CARM1: variants seen among roughly 807,000 people sequenced by gnomAD.
CARM1 encodes coactivator associated arginine methyltransferase 1, also known as histone-arginine methyltransferase CARM1.
A neutral mutation model predicts 72.7 loss-of-function variants in CARM1; 14 were observed. That is an observed-to-expected ratio of 0.19 (90% CI 0.13 to 0.30). The LOEUF (loss-of-function observed/expected upper bound fraction) is 0.30, where lower values mean the gene tolerates loss of function less well. CARM1 is among the 10% of genes least tolerant of loss of function. The probability of loss-of-function intolerance (pLI) is 1.00; values close to 1 mark genes in which losing one functional copy is unlikely to be tolerated. For synonymous variants in CARM1, 333 were observed against 345.5 expected, an observed-to-expected ratio of 0.96 and a Z score of 0.40; for missense variants, 432 against 833.7, an observed-to-expected ratio of 0.52 and a Z score of 5.93.
In CARM1 at chr19:10,894,729, TTC is replaced by T. The variant is rs1226313626; in HGVS notation, c.221-10210_221-10209del. Among the ~76,000 whole-genome samples, 568 of 150,664 alleles carry T rather than the reference TTC, an allele frequency of 3.8e-3. 4 individuals carry two copies. The highest frequency in any genetic ancestry group is 0.013 in the African/African-American group (545 of 41,144). On this transcript the variant is annotated intron_variant, in intron 1 of 15. Transcript: ENST00000327064. ...CCACCTCCTTGTGTTTTTTTTTTTT[TTC>T]TCTCTCTCTCTTTTTTTTTTTCTTC...
At chr19:10,892,795 C>T (rs1291874067) in intron 1 of CARM1, among the ~76,000 whole-genome samples, 5 of 152,172 alleles carry the variant, frequency 3.3e-5, no homozygotes, top group African/African-American at 7.2e-5. Flanking sequence ...TGCTATGGCA[C>T]GATTTCTGCT....
chr19:10,898,064 C>T (rs1314677997), intron 1 of CARM1, among the ~76,000 whole-genome samples: 12 of 149,174 alleles, frequency 8.0e-5, no homozygotes, highest in Admixed American at 4.0e-4. Flanking sequence ...GCCAAGATTG[C>T]GCCACTGCAC....
rs529214295 is a variant in CARM1 at position 10,910,279 on chromosome 19, C to T, written c.558+1072C>T. 1.2e-3 allele frequency among the ~76,000 whole-genome samples: 184 copies of T among 152,202 alleles called. 4 individuals carry two copies. In the South Asian group the frequency reaches 0.037, roughly 31 times the overall value. Reference sequence around the variant, plus strand: ...ATCACTTGAGGTTAGCAGTTCGAGACCACCCTGGCCAACATGGCAAAAGCC... The same window carrying T: ...ATCACTTGAGGTTAGCAGTTCGAGATCACCCTGGCCAACATGGCAAAAGCC... On this transcript the variant is annotated intron_variant, in intron 4 of 15. Coordinates refer to ENST00000327064, the MANE Select transcript of CARM1 (RefSeq NM_199141.2).
chr19:10,906,531 C>T (rs998745932), intron 2 of CARM1, among the ~76,000 whole-genome samples: 6 of 152,156 alleles, frequency 3.9e-5, no homozygotes, highest in East Asian at 1.9e-4. Context: ...GGCGCGATCT[C>T]GGCTCACCGC....
chr19:10,881,146 A>G (rs2073899497), intron 1 of CARM1, among the ~76,000 whole-genome samples: 2 of 152,168 alleles, frequency 1.3e-5, no homozygotes, highest in South Asian at 4.1e-4. Flanking sequence ...ATCCCGGGAA[A>G]CAGGGCAAGA....
At chr19:10,917,926 G>A (rs1366135077) in intron 8 of CARM1, among the ~76,000 whole-genome samples, 1 of 151,934 alleles carries the variant, frequency 6.6e-6, no homozygotes, top group Admixed American at 6.6e-5. Context: ...TGGCCAGGCT[G>A]GTCTGAAACT....
At chr19:10,878,689 G>T (rs1054783623) in intron 1 of CARM1, among the ~76,000 whole-genome samples, 5 of 152,216 alleles carry the variant, frequency 3.3e-5, no homozygotes, top group Admixed American at 1.3e-4. Context: ...AGTAGCAGAG[G>T]CTTAATTAAA....
intron 2 of CARM1, among the ~76,000 whole-genome samples, chr19:10,907,646 T>C (rs2074114812): frequency 6.6e-6 from 1 of 152,152 alleles, no homozygotes; most frequent in Non-Finnish European, 1.5e-5. Flanking sequence ...GACATTGCAG[T>C]GTCTGCTGCC....
chr19:10,901,194 G>A (rs1317139177), intron 1 of CARM1, among the ~76,000 whole-genome samples: 2 of 151,296 alleles, frequency 1.3e-5, no homozygotes, highest in South Asian at 2.1e-4. Context: ...TGTTGACCAG[G>A]CTGGTCTTGA....
At chr19:10,873,704 A>G (rs962607052) in intron 1 of CARM1, among the ~76,000 whole-genome samples, 3 of 124,550 alleles carry the variant, frequency 2.4e-5, no homozygotes, top group African/African-American at 3.2e-5. Context: ...CAGTGGCTCA[A>G]TCTCGGCTCA....
intron 4 of CARM1, among the ~76,000 whole-genome samples, chr19:10,911,331 G>A (rs2074149198): frequency 6.6e-6 from 1 of 152,170 alleles, no homozygotes; most frequent in African/African-American, 2.4e-5. Context: ...CCCAGAGGAT[G>A]GTAGGCCTTG....
chr19:10,920,052 G>T lies in CARM1; in HGVS notation c.1196+86G>T. Reference sequence around the variant, plus strand: ...CAACCTGGCTGGGGGGGTGGAACATGGCTCCAGGTTCCACCATCCCTTCCA... The same window carrying T: ...CAACCTGGCTGGGGGGGTGGAACATTGCTCCAGGTTCCACCATCCCTTCCA... On this transcript the variant is annotated intron_variant, in intron 10 of 15. Transcript: ENST00000327064. The surrounding 1 kb of genome is among the most constrained non-coding windows in gnomAD (Gnocchi z 5.3). The T allele has an allele frequency of 1.9e-6, 2 of 1,029,294 alleles. No homozygotes were observed. The highest frequency in any genetic ancestry group is 1.5e-6 in the Non-Finnish European group (1 of 665,984). The allele number at this position is 1,029,294 out of a possible 1,614,324, so 63.8% of individuals were successfully genotyped here.
chr19:10,914,473 G>T (rs1205552920), intron 6 of CARM1, among the ~76,000 whole-genome samples: 1 of 152,234 alleles, frequency 6.6e-6, no homozygotes, highest in South Asian at 2.1e-4. Context: ...GAGTGTACGT[G>T]TGTGAGGAGG....
At chr19:10,882,526 C>T (rs972049293) in intron 1 of CARM1, among the ~76,000 whole-genome samples, 3 of 148,484 alleles carry the variant, frequency 2.0e-5, no homozygotes, top group Non-Finnish European at 4.5e-5. Flanking sequence ...ATCTCCAGTG[C>T]ACTCTGTCTT....
rs201517275 is a variant in CARM1, at chr19:10,905,080, C to T, written c.346+4C>T. 54 of 1,612,846 alleles carry T rather than the reference C, an allele frequency of 3.3e-5. No individual in the cohort carries two copies. The highest frequency in any genetic ancestry group is 1.0e-4 in the Admixed American group (6 of 59,990). ...ATCCAGTTCGCCACACCCAACGGTA[C>T]GTGGCCCTCCTTCCATTCCGGTGAC... is the stretch of plus-strand genomic sequence containing the variant. On this transcript the variant is annotated splice_donor_region_variant and intron_variant, in intron 2 of 15. Transcript: ENST00000327064.
At chr19:10,913,201 T>C (rs1166364087) in intron 5 of CARM1, among the ~76,000 whole-genome samples, 1 of 149,338 alleles carries the variant, frequency 6.7e-6, no homozygotes, top group Non-Finnish European at 1.5e-5. Context: ...ACCTCCCGGG[T>C]TCAAGTGATT....
intron 1 of CARM1, among the ~76,000 whole-genome samples, chr19:10,878,296 G>A (rs574962605): frequency 2.0e-5 from 3 of 152,318 alleles, no homozygotes; most frequent in East Asian, 1.9e-4. Context: ...TCACTGGCCC[G>A]AGGCAGGGGA....
Position 10,912,384 on chromosome 19 carries a change from G to A in CARM1, c.669+90G>A. ...CTAGAGAAGCTTGGGAACCCCCAGG[G>A]GCCTGGGGACATTACTTCTGTGCTT... On this transcript the variant is annotated intron_variant, in intron 5 of 15. Coordinates refer to ENST00000327064, the MANE Select transcript of CARM1 (RefSeq NM_199141.2). The surrounding 1 kb of genome is among the most constrained non-coding windows in gnomAD (Gnocchi z 4.5). 1 of 911,002 alleles carries A rather than the reference G, an allele frequency of 1.1e-6. No homozygotes were observed. The highest frequency in any genetic ancestry group is 2.4e-5 in the East Asian group (1 of 41,350). The allele number at this position is 911,002 out of a possible 1,614,324, so 56.4% of individuals were successfully genotyped here. A position where few individuals can be genotyped will look rare whatever the true frequency, so the allele number is the denominator to read the frequency against.
In CARM1 at chr19:10,899,117, A is replaced by C. The variant is rs1395429500; in HGVS notation, c.221-5834A>C. Among the ~76,000 whole-genome samples the C allele has an allele frequency of 2.8e-5, 4 of 140,460 alleles. No homozygotes were observed. The Admixed American group carries it at 3.1e-4, about 11-fold the overall frequency. The allele number at this position is 140,460 out of a possible 152,430, so 92.1% of individuals were successfully genotyped here. Reference sequence around the variant, plus strand: ...GGACTAACTTGGGGATAAAGCTGTGACTTTGAGAAGCTGCCGGCTCCGCGG... The same window carrying C: ...GGACTAACTTGGGGATAAAGCTGTGCCTTTGAGAAGCTGCCGGCTCCGCGG... On this transcript the variant is annotated intron_variant, in intron 1 of 15. Coordinates refer to ENST00000327064, the MANE Select transcript of CARM1 (RefSeq NM_199141.2).
Sources: gnomAD v4.1 joint callset for allele counts (sites outside exome capture counted in the v4.1 genomes callset) on GRCh38, gnomAD v4.1.1 for gene constraint, Gnocchi (gnomAD v3.1) non-coding constraint, MANE v1.5 for transcripts, NCBI Gene and HGNC (gene_info 2026-07-23, HGNC 2026-07-21) for gene names.